Variants in USP43 observed in about 807,000 individuals in gnomAD.
The protein encoded by USP43 is ubiquitin carboxyl-terminal hydrolase 43.
Under a neutral mutation model 90.7 loss-of-function variants are expected in USP43, and 33 were observed. The ratio of observed to expected loss-of-function variants is 0.36; its 90% CI spans 0.28 to 0.49. USP43 has a LOEUF of 0.49. Among genes scored for constraint, USP43 ranks in the 20% least tolerant of loss-of-function variants. USP43 has a pLI of 0.98. For missense variants in USP43, 1,274 were observed against 1,476.4 expected (o/e 0.86, Z 2.25); for synonymous variants, 598 against 615.8 (o/e 0.97, Z 0.43).
In USP43 at chr17:9,686,671, G is replaced by T; in HGVS notation, c.1242-127G>T. 1.1e-5 allele frequency: 8 copies of T among 724,674 alleles called. No homozygotes were observed. The highest frequency in any genetic ancestry group is 8.5e-5 in the Admixed American group (3 of 35,368). 44.9% of individuals were successfully genotyped at this position (724,674 alleles called of 1,614,324 possible). The stretch of plus-strand genomic sequence containing the variant: ...ATTCTTTGGTTTTTTTTGCTGTTGA[G>T]TTTTTGTGCTTAGCTCTTGTCACTT... On this transcript the variant is annotated intron_variant, in intron 7 of 14. Coordinates refer to ENST00000285199, the MANE Select transcript of USP43 (RefSeq NM_153210.5). This position sits in a 1 kb window ranked among gnomAD's most constrained non-coding sequence, Gnocchi z 5.5.
At chr17:9,695,409 C>T (rs545883414) in intron 9 of USP43, among the ~76,000 whole-genome samples, 1 of 152,270 alleles carries the variant, frequency 6.6e-6, no homozygotes, top group East Asian at 1.9e-4. Flanking sequence ...TCTTGGCTCA[C>T]TGCAACCTCC....
intron 14 of USP43, among the ~76,000 whole-genome samples, chr17:9,717,970 T>C (rs1176966199): frequency 5.3e-5 from 8 of 151,966 alleles, no homozygotes; most frequent in Admixed American, 1.3e-4. Flanking sequence ...CTAATTTTTG[T>C]ATTTTTAGTA....
Position 9,682,833 on chromosome 17 carries a change from G to T in USP43, c.1116G>T (p.Leu372=). The change falls in exon 7 of 15, where the codon CTG becomes CTT. Residue 372 remains leucine (L), a synonymous_variant. Coordinates refer to ENST00000285199, the MANE Select transcript of USP43 (RefSeq NM_153210.5). The part of the protein sequence containing the change: ...PSQGTLSAHP[L]GLSASPRLAA... ...TTCTCTCCCTTCTAGCTCATCCACT[G>T]GGTCTGTCGGCCTCCCCACGCCTGG... 1 of 1,613,948 alleles carries T rather than the reference G, an allele frequency of 6.2e-7. No individual in the cohort carries two copies. The highest frequency in any genetic ancestry group is 8.5e-7 in the Non-Finnish European group (1 of 1,179,850).
At chr17:9,725,947 C>T (rs1479596351) in intron 14 of USP43, among the ~76,000 whole-genome samples, 1 of 152,188 alleles carries the variant, frequency 6.6e-6, no homozygotes, top group Non-Finnish European at 1.5e-5. Flanking sequence ...ATTTCTTCCC[C>T]ACCCCCCGAG....
chr17:9,681,855 G>A (rs144107166), intron 6 of USP43, among the ~76,000 whole-genome samples: 17 of 152,166 alleles, frequency 1.1e-4, no homozygotes, highest in South Asian at 1.0e-3. Flanking sequence ...TGATTCCTAC[G>A]CCCTGGCCCC....
At chr17:9,692,434 T>G (rs1915015757) in intron 8 of USP43, among the ~76,000 whole-genome samples, 2 of 152,226 alleles carry the variant, frequency 1.3e-5, no homozygotes, top group East Asian at 3.9e-4. Flanking sequence ...TTTGCATTTC[T>G]CTAATGACTA....
intron 1 of USP43, among the ~76,000 whole-genome samples, chr17:9,653,718 G>A (rs1912035653): frequency 6.6e-6 from 1 of 152,234 alleles, no homozygotes; most frequent in Non-Finnish European, 1.5e-5. Flanking sequence ...GAACGACAGA[G>A]GGTGCTTGGA....
chr17:9,684,498 T>C (rs1914480393), intron 7 of USP43, among the ~76,000 whole-genome samples: 1 of 152,104 alleles, frequency 6.6e-6, no homozygotes, highest in African/African-American at 2.4e-5. Context: ...GCACGGTGGC[T>C]CACGCCTGTA....
At position 9,701,519 on chromosome 17, in the gene USP43, C is replaced by T. The variant is rs181640656; in HGVS notation, c.1830C>T (p.Leu610=). 4,909 of 1,566,790 alleles carry T rather than the reference C, an allele frequency of 3.1e-3. 15 individuals are homozygous for T. Among genetic ancestry groups the T allele is most frequent in the Middle Eastern group, 6.3e-3 (38 of 6,010 alleles). The change falls in exon 12 of 15, where the codon CTC becomes CTT. Residue 610 remains leucine (L), a synonymous_variant. Coordinates refer to ENST00000285199, the MANE Select transcript of USP43 (RefSeq NM_153210.5). The surrounding 1 kb of genome is among the most constrained non-coding windows in gnomAD (Gnocchi z 7.2). ...NKLSTLVKFP[L]SGLNMAPHVA... ...TCTCCACGCTGGTGAAGTTTCCGCT[C>T]TCTGGACTCAACATGGCTCCCCATG... is the stretch of plus-strand genomic sequence containing the variant.
At chr17:9,675,060 C>T in intron 4 of USP43, 77 bp downstream of exon 4, 2 of 1,270,560 alleles carry the variant, frequency 1.6e-6, no homozygotes, top group Non-Finnish European at 2.3e-6. Context: ...TGGCCTCACA[C>T]CTGCCATTTT....
intron 1 of USP43, among the ~76,000 whole-genome samples, chr17:9,648,104 C>G (rs909107941): frequency 6.6e-6 from 1 of 152,198 alleles, no homozygotes; most frequent in Admixed American, 6.5e-5. Flanking sequence ...ATCTCTCTCC[C>G]GCTGTCAAAT....
At chr17:9,704,715 G>A (rs375656623) in intron 12 of USP43, among the ~76,000 whole-genome samples, 1 of 152,042 alleles carries the variant, frequency 6.6e-6, no homozygotes, top group Admixed American at 6.6e-5. Flanking sequence ...CCGAGCCTCT[G>A]GGGCTGTAGC....
intron 8 of USP43, among the ~76,000 whole-genome samples, chr17:9,689,443 A>T (rs1360564810): frequency 6.6e-6 from 1 of 151,350 alleles, no homozygotes; most frequent in Non-Finnish European, 1.5e-5. Flanking sequence ...ATAGAGTCCC[A>T]CTCTGTTGGC....
At chr17:9,658,766 C>G (rs2151964709) in intron 2 of USP43, among the ~76,000 whole-genome samples, 1 of 152,326 alleles carries the variant, frequency 6.6e-6, no homozygotes, top group South Asian at 2.1e-4. Flanking sequence ...GTCCAAGGGT[C>G]AAACCAGCTT....
chr17:9,668,319 AT>A (rs1427558602), intron 3 of USP43, among the ~76,000 whole-genome samples: 9 of 152,266 alleles, frequency 5.9e-5, no homozygotes, highest in African/African-American at 1.9e-4. Flanking sequence ...GCTTATAGCC[AT>A]TTACTTCCAT....
intron 2 of USP43, among the ~76,000 whole-genome samples, chr17:9,658,834 T>C (rs1490104967): frequency 6.6e-6 from 1 of 152,240 alleles, no homozygotes; most frequent in Non-Finnish European, 1.5e-5. Flanking sequence ...ACTATGTCTC[T>C]ATCCCTTGTC....
intron 1 of USP43, among the ~76,000 whole-genome samples, chr17:9,650,008 T>A (rs1597808580): frequency 6.6e-6 from 1 of 152,216 alleles, no homozygotes; most frequent in Non-Finnish European, 1.5e-5. Flanking sequence ...CAATTTTAGA[T>A]CTACAGTGAT....
intron 9 of USP43, among the ~76,000 whole-genome samples, chr17:9,698,798 A>C (rs951870804): frequency 6.6e-6 from 1 of 152,248 alleles, no homozygotes; most frequent in Non-Finnish European, 1.5e-5. Context: ...GGATTGAGGC[A>C]GAAAGAGATG....
chr17:9,715,778 T>C (rs1306453719), intron 14 of USP43, among the ~76,000 whole-genome samples: 1 of 151,506 alleles, frequency 6.6e-6, no homozygotes, highest in African/African-American at 2.4e-5. Flanking sequence ...TGTGTCTATG[T>C]GTGTGTCTCT....
Sources: gnomAD v4.1 joint callset for allele counts (sites outside exome capture counted in the v4.1 genomes callset) on GRCh38, gnomAD v4.1.1 for gene constraint, Gnocchi (gnomAD v3.1) non-coding constraint, MANE v1.5 for transcripts, NCBI Gene and HGNC (gene_info 2026-07-23, HGNC 2026-07-21) for gene names.